The following FRYL variants were observed in gnomAD, a reference collection of about 807,000 sequenced individuals.
FRYL encodes protein furry homolog-like.
A neutral mutation model predicts 351.2 loss-of-function variants in FRYL; 150 were observed. The ratio of observed to expected loss-of-function variants is 0.43; its 90% CI spans 0.37 to 0.49. FRYL has a LOEUF of 0.49. Ranked by LOEUF, FRYL falls within the 20% of genes least tolerant of loss-of-function variation. The pLI is 0.00. For missense variants in FRYL, 3,036 were observed against 3,619.3 expected (o/e 0.84, Z 4.13); for synonymous variants, 1,153 against 1,257.1 (o/e 0.92, Z 1.75).
intron 55 of FRYL, 87 bp downstream of exon 55, chr4:48,520,961 A>C (rs1191189217): frequency 4.8e-5 from 46 of 961,834 alleles, no homozygotes; most frequent in Non-Finnish European, 8.8e-6. Context: ...ATCAACTTCA[A>C]AACTTTTTTG....
At chr4:48,709,869 A>T (rs1008698556) in intron 2 of FRYL, among the ~76,000 whole-genome samples, 1 of 152,200 alleles carries the variant, frequency 6.6e-6, no homozygotes, top group Non-Finnish European at 1.5e-5. Context: ...TATTATGCTA[A>T]ATGTCATTAT....
Position 48,734,622 on chromosome 4 carries a change from A to C in FRYL, c.-383-23924T>G, listed in dbSNP as rs572415450. Among the ~76,000 whole-genome samples, 20 of 152,346 alleles carry C rather than the reference A, an allele frequency of 1.3e-4. No homozygotes were observed. The South Asian group carries it at 3.9e-3, about 30-fold the overall frequency. On this transcript the variant is annotated intron_variant, in intron 1 of 63. Coordinates refer to ENST00000358350, the MANE Select transcript of FRYL (RefSeq NM_015030.2). ...CACATTCTTCTCAAACTCACATGGA[A>C]CAGTCACTAAGATAGAACACATTCT... is the stretch of plus-strand genomic sequence containing the variant.
chr4:48,530,845 T>C (rs1041903286), intron 50 of FRYL, among the ~76,000 whole-genome samples: 3 of 152,212 alleles, frequency 2.0e-5, no homozygotes, highest in African/African-American at 7.2e-5. Flanking sequence ...AGATGCTACA[T>C]ACTCCCCTAG....
chr4:48,668,170 G>A, intron 3 of FRYL, among the ~76,000 whole-genome samples: 1 of 152,106 alleles, frequency 6.6e-6, no homozygotes, highest in East Asian at 1.9e-4. Flanking sequence ...CCAGAGCTAA[G>A]TACCTGCGAC....
At chr4:48,637,465 A>C (rs1274781979) in intron 3 of FRYL, 1 of 152,082 alleles carries the variant, frequency 6.6e-6, no homozygotes, top group Non-Finnish European at 1.5e-5. Flanking sequence ...TATAATGCTA[A>C]GTTGTAATAT....
At chr4:48,650,520 G>A (rs902497204) in intron 3 of FRYL, among the ~76,000 whole-genome samples, 1 of 152,198 alleles carries the variant, frequency 6.6e-6, no homozygotes, top group Non-Finnish European at 1.5e-5. Flanking sequence ...GGAAGAATGG[G>A]TCTTGAAAGA....
At chr4:48,566,439 T>C (rs547538789) in intron 28 of FRYL, among the ~76,000 whole-genome samples, 3 of 152,182 alleles carry the variant, frequency 2.0e-5, no homozygotes, top group Non-Finnish European at 4.4e-5. Context: ...AGTAATAGAC[T>C]AAACCACATC....
intron 1 of FRYL, among the ~76,000 whole-genome samples, chr4:48,721,590 A>G (rs1290410479): frequency 6.6e-6 from 1 of 152,192 alleles, no homozygotes; most frequent in Non-Finnish European, 1.5e-5. Flanking sequence ...TATGATATAC[A>G]CAGCTTAAAA....
At chr4:48,763,366 G>A (rs1774609887) in intron 1 of FRYL, among the ~76,000 whole-genome samples, 1 of 152,074 alleles carries the variant, frequency 6.6e-6, no homozygotes, top group Non-Finnish European at 1.5e-5. Flanking sequence ...GGAGGCTGAG[G>A]CAGGAGGATC....
At chr4:48,606,303 G>C (rs1746823721) in intron 10 of FRYL, 135 bp downstream of exon 10, 1 of 529,008 alleles carries the variant, frequency 1.9e-6, no homozygotes, top group Non-Finnish European at 3.2e-6. Flanking sequence ...TTTACACTTA[G>C]AACAACTTAA....
chr4:48,511,736 C>G (rs550194735), intron 57 of FRYL, among the ~76,000 whole-genome samples: 2 of 152,046 alleles, frequency 1.3e-5, no homozygotes, highest in Non-Finnish European at 2.9e-5. Flanking sequence ...TAAAGAACTT[C>G]CAGGATGAGA....
intron 1 of FRYL, among the ~76,000 whole-genome samples, chr4:48,762,129 T>G (rs1774480928): frequency 6.6e-6 from 1 of 152,204 alleles, no homozygotes; most frequent in African/African-American, 2.4e-5. Context: ...CATGCTGGCA[T>G]GCAGATCTCA....
At chr4:48,584,616 T>C (rs1289950622) in intron 19 of FRYL, among the ~76,000 whole-genome samples, 2 of 152,330 alleles carry the variant, frequency 1.3e-5, no homozygotes, top group South Asian at 2.1e-4. Flanking sequence ...TATTTCAACA[T>C]TCCTTAAATC....
Position 48,710,532 on chromosome 4 carries a change from T to G in FRYL, c.-217A>C. 2.5e-6 allele frequency: 1 copy of G among 398,560 alleles called. No homozygotes were observed. The highest frequency in any genetic ancestry group is 4.4e-6 in the Non-Finnish European group (1 of 226,054). The allele number at this position is 398,560 out of a possible 1,614,324, so 24.7% of individuals were successfully genotyped here. On this transcript the variant is annotated 5_prime_UTR_variant, in exon 2 of 64. Coordinates refer to ENST00000358350, the MANE Select transcript of FRYL (RefSeq NM_015030.2). ...ACATGTCCTTACCACTTAGAAATGG[T>G]TGTTGAGGCACAGAGTTTGTAGAAA...
Position 48,580,861 on chromosome 4 carries a change from T to C in FRYL, c.2259+4A>G. 2.5e-6 allele frequency: 4 copies of C among 1,595,430 alleles called. No individual in the cohort carries two copies. Among genetic ancestry groups the C allele is most frequent in the Non-Finnish European group, 3.4e-6 (4 of 1,163,892 alleles). Reference sequence around the variant, plus strand: ...ATTGGGTAGAATGAAGTCACTATAGTTACCTGATCAGCCCCAGTGAGATGT... The same window carrying C: ...ATTGGGTAGAATGAAGTCACTATAGCTACCTGATCAGCCCCAGTGAGATGT... On this transcript the variant is annotated splice_donor_region_variant and intron_variant, in intron 22 of 63. Transcript: ENST00000358350.
chr4:48,702,370 C>T (rs1210117818), intron 2 of FRYL, among the ~76,000 whole-genome samples: 4 of 136,232 alleles, frequency 2.9e-5, no homozygotes, highest in African/African-American at 8.4e-5. Context: ...GCAAGAGAAT[C>T]GCTTGAACCC....
intron 16 of FRYL, among the ~76,000 whole-genome samples, chr4:48,593,355 A>AC (rs35760577): frequency 2.0e-5 from 3 of 150,646 alleles, no homozygotes; most frequent in African/African-American, 7.3e-5. Flanking sequence ...TTCTTTATTC[A>AC]TTTTTTGAGA....
intron 22 of FRYL, 139 bp from the exon 23 acceptor site, chr4:48,579,380 A>C (rs1740366078): frequency 3.0e-6 from 2 of 657,352 alleles, no homozygotes; most frequent in African/African-American, 3.7e-5. Flanking sequence ...GGTTGAAGGG[A>C]GTAGAGAATT....
chr4:48,729,117 T>C (rs571280645), intron 1 of FRYL, among the ~76,000 whole-genome samples: 3 of 152,364 alleles, frequency 2.0e-5, no homozygotes, highest in African/African-American at 4.8e-5. Context: ...CCTTGCTCAC[T>C]GCTAGCGCAG....
Sources: allele counts gnomAD v4.1 joint callset (sites outside exome capture counted in the v4.1 genomes callset), GRCh38; gene constraint gnomAD v4.1.1; transcripts MANE v1.5; gene names NCBI Gene and HGNC (gene_info 2026-07-23, HGNC 2026-07-21).